The following TLE4 variants were observed in gnomAD, a reference collection of about 807,000 sequenced individuals.
TLE4 encodes TLE family member 4, transcriptional corepressor.
Under a neutral mutation model 92.8 loss-of-function variants are expected in TLE4, and 8 were observed. The ratio of observed to expected loss-of-function variants is 0.09; its 90% CI spans 0.05 to 0.16. TLE4 has a LOEUF of 0.16. Among genes scored for constraint, TLE4 ranks in the 10% least tolerant of loss-of-function variants. The pLI is 1.00. For synonymous variants in TLE4, 371 were observed against 374.1 expected (o/e 0.99, Z 0.10); for missense variants, 675 against 997.6 (o/e 0.68, Z 4.36).
intron 4 of TLE4, among the ~76,000 whole-genome samples, chr9:79,606,323 C>A (rs1304832408): frequency 8.0e-6 from 1 of 124,276 alleles, no homozygotes; most frequent in Non-Finnish European, 1.6e-5. Flanking sequence ...AGCTTTATTC[C>A]AGTCAGGCTT....
intron 5 of TLE4, among the ~76,000 whole-genome samples, chr9:79,614,203 A>G (rs1418090212): frequency 6.6e-6 from 1 of 152,152 alleles, no homozygotes; most frequent in Non-Finnish European, 1.5e-5. Flanking sequence ...CAGAGCTGTA[A>G]CCAGGCTGGG....
At position 79,626,212 on chromosome 9, in the gene TLE4, C is replaced by T. The variant is rs113838639; in HGVS notation, c.316-1162C>T. On this transcript the variant is annotated intron_variant, in intron 5 of 19. Transcript: ENST00000376552. ...TGGTCACCCTAGTTAATCTCAGTAA[C>T]TATATTTGAGGATTTTGGAATGGGG... Among the ~76,000 whole-genome samples, 497 of 152,178 alleles carry T rather than the reference C, an allele frequency of 3.3e-3. 4 individuals are homozygous for T. The highest frequency in any genetic ancestry group is 0.011 in the African/African-American group (458 of 41,534).
At chr9:79,698,763 G>C (rs1214655247) in intron 8 of TLE4, among the ~76,000 whole-genome samples, 1 of 151,838 alleles carries the variant, frequency 6.6e-6, no homozygotes, top group African/African-American at 2.4e-5. Context: ...AAATTTACAT[G>C]TGTTATGTGT....
intron 1 of TLE4, 128 bp downstream of exon 1, chr9:79,572,963 CGGGA>C (rs2036248798): frequency 1.0e-6 from 1 of 988,470 alleles, no homozygotes. Context: ...CGCCCCGCGC[CGGGA>C]GCAGCCCGCC....
intron 4 of TLE4, among the ~76,000 whole-genome samples, chr9:79,598,247 T>C (rs1046110761): frequency 8.6e-5 from 10 of 116,296 alleles, no homozygotes; most frequent in South Asian, 3.0e-4. Flanking sequence ...AGACTCCGTC[T>C]CAAAAAAAAA....
intron 4 of TLE4, among the ~76,000 whole-genome samples, chr9:79,587,141 A>G (rs2041324834): frequency 6.6e-6 from 1 of 152,260 alleles, no homozygotes; most frequent in African/African-American, 2.4e-5. Flanking sequence ...TGCCTGGAAT[A>G]TAGTAGAAGA....
At chr9:79,583,824 G>A (rs1315242026) in intron 4 of TLE4, among the ~76,000 whole-genome samples, 2 of 152,120 alleles carry the variant, frequency 1.3e-5, no homozygotes, top group East Asian at 1.9e-4. Context: ...AGAGCTTAAG[G>A]CATTTTATAT....
At chr9:79,660,956 G>A (rs1171105680) in intron 8 of TLE4, among the ~76,000 whole-genome samples, 1 of 152,056 alleles carries the variant, frequency 6.6e-6, no homozygotes, top group Non-Finnish European at 1.5e-5. Context: ...AGCTGATTTG[G>A]CAAAATGGTT....
intron 4 of TLE4, among the ~76,000 whole-genome samples, chr9:79,596,146 G>C (rs541788962): frequency 6.6e-6 from 1 of 152,012 alleles, no homozygotes; most frequent in African/African-American, 2.4e-5. Flanking sequence ...GCGCCCGGCC[G>C]TTTAGTATCT....
At chr9:79,575,188 G>T (rs2037336801) in intron 3 of TLE4, among the ~76,000 whole-genome samples, 2 of 151,868 alleles carry the variant, frequency 1.3e-5, no homozygotes, top group Admixed American at 6.6e-5. Flanking sequence ...TGTTTTTACA[G>T]ATCGAAAAAA....
At chr9:79,604,698 T>C (rs2046412154) in intron 4 of TLE4, among the ~76,000 whole-genome samples, 1 of 152,142 alleles carries the variant, frequency 6.6e-6, no homozygotes, top group African/African-American at 2.4e-5. Context: ...TGGCTCTCTG[T>C]ATAAAAGGTG....
At chr9:79,652,459 T>G in intron 6 of TLE4, 134 bp from the exon 7 acceptor site, 2 of 909,368 alleles carry the variant, frequency 2.2e-6, no homozygotes, top group Non-Finnish European at 3.5e-6. Context: ...AGTGCTGGGA[T>G]TACAGGCGTG....
intron 8 of TLE4, among the ~76,000 whole-genome samples, chr9:79,689,255 A>T (rs1187648208): frequency 6.6e-6 from 1 of 151,362 alleles, no homozygotes; most frequent in Non-Finnish European, 1.5e-5. Flanking sequence ...TTCTTAAATG[A>T]CCAGTAGTAG....
chr9:79,686,814 G>T lies in TLE4; in HGVS notation c.610-17969G>T, dbSNP rs563961828. Among the ~76,000 whole-genome samples, 456 of 152,344 alleles carry T rather than the reference G, an allele frequency of 3.0e-3. 2 individuals carry two copies. Among genetic ancestry groups the T allele is most frequent in the Non-Finnish European group, 5.3e-3 (361 of 68,038 alleles). On this transcript the variant is annotated intron_variant, in intron 8 of 19. Coordinates refer to ENST00000376552, the MANE Select transcript of TLE4 (RefSeq NM_007005.6). ...GCCACCTAGTTTGTGGTGGTTTGTT[G>T]TGGCAGCCCCAGGAAACTAATAATG...
chr9:79,572,619 C>T lies in TLE4; in HGVS notation c.-172C>T. 1 of 321,488 alleles carries T rather than the reference C, an allele frequency of 3.1e-6. No individual in the cohort carries two copies. The highest frequency in any genetic ancestry group is 5.6e-6 in the Non-Finnish European group (1 of 179,458). The allele number at this position is 321,488 out of a possible 1,614,324, so 19.9% of individuals were successfully genotyped here. On this transcript the variant is annotated 5_prime_UTR_variant, in exon 1 of 20. Coordinates refer to ENST00000376552, the MANE Select transcript of TLE4 (RefSeq NM_007005.6). The stretch of plus-strand genomic sequence containing the variant: ...CCCGGCAGCCGGCACCCAGCCGCCG[C>T]CGCGCGTTCCTGCCGCCCGTGTCAC...
chr9:79,634,502 A>C (rs933691234), intron 6 of TLE4, among the ~76,000 whole-genome samples: 1 of 152,200 alleles, frequency 6.6e-6, no homozygotes, highest in Non-Finnish European at 1.5e-5. Context: ...AGATTTAATG[A>C]GACGTAATCT....
intron 6 of TLE4, among the ~76,000 whole-genome samples, chr9:79,631,964 A>G (rs72732298): frequency 0.044 from 6,715 of 152,256 alleles, 236 homozygotes; most frequent in Non-Finnish European, 0.066. Context: ...ACAACTTGAA[A>G]TTAAATTTAA....
rs1303789890 is a variant in TLE4 at position 79,622,425 on chromosome 9, C to T, written c.316-4949C>T. Among the ~76,000 whole-genome samples, 3 of 152,148 alleles carry T rather than the reference C, an allele frequency of 2.0e-5. No individual in the cohort carries two copies. In the East Asian group the frequency reaches 5.8e-4, roughly 29 times the overall value. On this transcript the variant is annotated intron_variant, in intron 5 of 19. Coordinates refer to ENST00000376552, the MANE Select transcript of TLE4 (RefSeq NM_007005.6). ...TCCCTTTGCCTGGAATTCTTTTATC[C>T]TCATTCTTCATCTACAGAATTCCTG... is the stretch of plus-strand genomic sequence containing the variant.
intron 11 of TLE4, chr9:79,707,107 CT>C (rs749554083): frequency 6.8e-6 from 11 of 1,611,334 alleles, no homozygotes; most frequent in Non-Finnish European, 9.3e-6. Flanking sequence ...TTTTATGATT[CT>C]TTTTGCAAGG....
Sources: gnomAD v4.1 joint callset for allele counts (sites outside exome capture counted in the v4.1 genomes callset) on GRCh38, gnomAD v4.1.1 for gene constraint, MANE v1.5 for transcripts, NCBI Gene and HGNC (gene_info 2026-07-23, HGNC 2026-07-21) for gene names.